TNXB: variants seen among roughly 807,000 people sequenced by gnomAD.
TNXB encodes the protein tenascin XB.
TNXB carries 183 observed loss-of-function variants against 340.5 expected under a neutral mutation model. That is an observed-to-expected ratio of 0.54 (90% CI 0.48 to 0.61). TNXB has a LOEUF of 0.61. TNXB is among the 20% of genes least tolerant of loss of function. The pLI is 0.00. For synonymous variants in TNXB, 2,121 were observed against 2,314.5 expected (o/e 0.92, Z 2.40); for missense variants, 4,613 against 5,446.4 (o/e 0.85, Z 4.82).
At position 32,049,687 on chromosome 6, in the gene TNXB, T is replaced by G. The variant is rs556488711; in HGVS notation, c.9440-100A>C. The G allele has an allele frequency of 6.3e-5, 87 of 1,381,880 alleles. No individual in the cohort carries two copies. The highest frequency in any genetic ancestry group is 7.6e-5 in the Non-Finnish European group (78 of 1,026,778). 85.6% of individuals were successfully genotyped at this position (1,381,880 alleles called of 1,614,324 possible). ...GCTATGACTGGGGGACCTGAGGTCA[T>G]TTCAGAGAAGTCCATTCTTGGGGCT... On this transcript the variant is annotated intron_variant, in intron 27 of 43. Coordinates refer to ENST00000644971, the MANE Select transcript of TNXB (RefSeq NM_001365276.2). This position sits in a 1 kb window ranked among gnomAD's most constrained non-coding sequence, Gnocchi z 4.5.
chr6:32,086,648 C>T (rs1779796393), intron 6 of TNXB, among the ~76,000 whole-genome samples: 1 of 152,196 alleles, frequency 6.6e-6, no homozygotes, highest in South Asian at 2.1e-4. Flanking sequence ...GGTGCCCTTT[C>T]CCCAAGCCCA....
Position 32,062,421 on chromosome 6 carries a change from T to TG in TNXB, c.6903dup (p.Ile2302HisfsTer16). The TG allele has an allele frequency of 6.2e-7, 1 of 1,612,784 alleles. No homozygotes were observed. Among genetic ancestry groups the TG allele is most frequent in the Non-Finnish European group, 8.5e-7 (1 of 1,179,752 alleles). ...GTCAGCTCCTCCAGGCGAGGCTTGATGGGGGGTTCAGGGGTGGGAGGTTCT... is the reference window on the plus strand; with the variant it reads ...GTCAGCTCCTCCAGGCGAGGCTTGATGGGGGGGTTCAGGGGTGGGAGGTTCT... On this transcript the variant is annotated frameshift_variant, in exon 20 of 44. Transcript: ENST00000644971. LOFTEE classifies it high-confidence loss of function. The surrounding 1 kb of genome is among the most constrained non-coding windows in gnomAD (Gnocchi z 4.3).
chr6:32,069,713 C>G lies in TNXB; in HGVS notation c.5427G>C (p.Gln1809His). Reference sequence around the variant, plus strand: ...GGGGCTGCCCGTCCCTGTCTTTGTACTGGACCACAAAGGAGTCAAACTGGC... The same window carrying G: ...GGGGCTGCCCGTCCCTGTCTTTGTAGTGGACCACAAAGGAGTCAAACTGGC... ...PEGQFDSFVV[Q>H]YKDRDGQPQV... is the part of the protein sequence containing the mutation. Residue 1809 changes from glutamine to histidine, a missense_variant, in exon 15 of 44, where the codon CAG becomes CAC. By Grantham distance (24) the Gln-to-His change is conservative. Around this residue, in one of 7 missense-constraint regions of TNXB, gnomAD observed 4,327 missense variants for 4,859.4 expected, o/e 0.89. Transcript: ENST00000644971. This position sits in a 1 kb window ranked among gnomAD's most constrained non-coding sequence, Gnocchi z 6.2. 1 of 1,613,192 alleles carries G rather than the reference C, an allele frequency of 6.2e-7. No individual in the cohort carries two copies. Among genetic ancestry groups the G allele is most frequent in the Non-Finnish European group, 8.5e-7 (1 of 1,179,654 alleles).
At position 32,041,577 on chromosome 6, in the gene TNXB, T is replaced by C. The variant is rs6457476; in HGVS notation, c.12634-127A>G. 10,969 of 1,047,538 alleles carry C rather than the reference T, an allele frequency of 0.01. 167 individuals are homozygous for C. The highest frequency in any genetic ancestry group is 0.03 in the Admixed American group (1,480 of 49,636). 64.9% of individuals were successfully genotyped at this position (1,047,538 alleles called of 1,614,324 possible). On this transcript the variant is annotated intron_variant, in intron 43 of 43. Coordinates refer to ENST00000644971, the MANE Select transcript of TNXB (RefSeq NM_001365276.2). ...CAGAGCTCCCTTCCTGACCCTCCGCTGCAGAGGATTGAGGCTTAATTCTGA... is the reference window on the plus strand; with the variant it reads ...CAGAGCTCCCTTCCTGACCCTCCGCCGCAGAGGATTGAGGCTTAATTCTGA...
At position 32,068,476 on chromosome 6, in the gene TNXB, A is replaced by C; in HGVS notation, c.6134T>G (p.Leu2045Arg). 1 of 1,613,866 alleles carries C rather than the reference A, an allele frequency of 6.2e-7. No homozygotes were observed. The highest frequency in any genetic ancestry group is 8.5e-7 in the Non-Finnish European group (1 of 1,179,894). ...CATCTTGTATTTATGGTCTGGCTCC[A>C]GGCCCGAGATGGTGACCCCTTCCTC... ...GHEEGVTISG[L>R]EPDHKYKMNL... Residue 2045 changes from leucine (L) to arginine (R), a missense_variant, in exon 17 of 44, where the codon CTG becomes CGG. By Grantham distance (102) the Leu-to-Arg change is moderately radical. Transcript: ENST00000644971. This position sits in a 1 kb window ranked among gnomAD's most constrained non-coding sequence, Gnocchi z 5.3.
chr6:32,046,282 C>A lies in TNXB; in HGVS notation c.10499G>T (p.Arg3500Leu). Residue 3500 changes from arginine to leucine, a missense_variant, in exon 31 of 44, where the codon CGC becomes CTC. This residue lies in a region of TNXB where 4,327 missense variants were observed against 4,859.4 expected (regional missense o/e 0.89). Transcript: ENST00000644971. The surrounding 1 kb of genome is among the most constrained non-coding windows in gnomAD (Gnocchi z 6.9). ...PRAVPVAADQ[R>L]TVTVEDLEPG... ...CTCCAGGTCCTCTACGGTGACTGTGCGCTGGTCTGCGGCCACAGGCACTGC... is the reference window on the plus strand; with the variant it reads ...CTCCAGGTCCTCTACGGTGACTGTGAGCTGGTCTGCGGCCACAGGCACTGC... 6.2e-7 allele frequency: 1 copy of A among 1,606,640 alleles called. No homozygotes were observed. The highest frequency in any genetic ancestry group is 1.1e-5 in the South Asian group (1 of 89,696).
chr6:32,050,193 C>G lies in TNXB; in HGVS notation c.9244G>C (p.Val3082Leu). ...AAGTGGTCAAACTGGCCCTCGGGAA[C>G]CATCCAGGACAGGCTGAGGGAGTCG... The part of the protein sequence containing the change: ...TPDSLSLSWM[V>L]PEGQFDHFLV... The change falls in exon 27 of 44, where the codon GTT (valine) becomes CTT (leucine). Residue 3082 changes from valine to leucine, a missense_variant. By Grantham distance (32) the Val-to-Leu change is conservative (BLOSUM62 1). Around this residue, in one of 7 missense-constraint regions of TNXB, gnomAD observed 4,327 missense variants for 4,859.4 expected, o/e 0.89. Coordinates refer to ENST00000644971, the MANE Select transcript of TNXB (RefSeq NM_001365276.2). 6.2e-7 allele frequency: 1 copy of G among 1,613,868 alleles called. No homozygotes were observed. Among genetic ancestry groups the G allele is most frequent in the Non-Finnish European group, 8.5e-7 (1 of 1,179,886 alleles).
chr6:32,082,412 G>T lies in TNXB; in HGVS notation c.3446-86C>A. ...ATCCCACATAGGAATGCTGTGTGAG[G>T]CTGTGCAGGTTGTTCACTGCACAAA... On this transcript the variant is annotated intron_variant, in intron 8 of 43. Transcript: ENST00000644971. The surrounding 1 kb of genome is among the most constrained non-coding windows in gnomAD (Gnocchi z 5.0). 2 of 1,366,324 alleles carry T rather than the reference G, an allele frequency of 1.5e-6. No individual in the cohort carries two copies. Among genetic ancestry groups the T allele is most frequent in the Non-Finnish European group, 2.0e-6 (2 of 1,004,390 alleles). The allele number at this position is 1,366,324 out of a possible 1,614,324, so 84.6% of individuals were successfully genotyped here.
rs1779474586 is a variant in TNXB at position 32,081,905 on chromosome 6, C to T, written c.3736+131G>A. 3.2e-6 allele frequency: 3 copies of T among 936,622 alleles called. No individual in the cohort carries two copies. The highest frequency in any genetic ancestry group is 3.3e-5 in the African/African-American group (2 of 61,144). 58.0% of individuals were successfully genotyped at this position (936,622 alleles called of 1,614,324 possible). A position where few individuals can be genotyped will look rare whatever the true frequency, so the allele number is the denominator to read the frequency against. ...AGTGCGGGGGAGTCTGGCTGCCCCTCAGCCCTGGAGTGGGGCCGGGAAGCT... is the reference window on the plus strand; with the variant it reads ...AGTGCGGGGGAGTCTGGCTGCCCCTTAGCCCTGGAGTGGGGCCGGGAAGCT... On this transcript the variant is annotated intron_variant, in intron 9 of 43. Coordinates refer to ENST00000644971, the MANE Select transcript of TNXB (RefSeq NM_001365276.2). This position sits in a 1 kb window ranked among gnomAD's most constrained non-coding sequence, Gnocchi z 5.1.
In TNXB at chr6:32,046,524, G is replaced by C. The variant is rs886755568; in HGVS notation, c.10325-68C>G. ...TTTGCCTAAGCCCTGGCAGCCTCCC[G>C]GAGGTGTGAGGTTCTGGGAAATGGT... On this transcript the variant is annotated intron_variant, in intron 30 of 43. Coordinates refer to ENST00000644971, the MANE Select transcript of TNXB (RefSeq NM_001365276.2). The surrounding 1 kb of genome is among the most constrained non-coding windows in gnomAD (Gnocchi z 6.9). 7.2e-7 allele frequency: 1 copy of C among 1,388,248 alleles called. No homozygotes were observed. The highest frequency in any genetic ancestry group is 9.6e-7 in the Non-Finnish European group (1 of 1,043,328). The allele number at this position is 1,388,248 out of a possible 1,614,324, so 86.0% of individuals were successfully genotyped here. A position where few individuals can be genotyped will look rare whatever the true frequency, so the allele number is the denominator to read the frequency against.
rs1177712877 is a variant in TNXB, at chr6:32,047,944, C to T, written c.10114G>A (p.Gly3372Ser). The T allele has an allele frequency of 1.4e-5, 23 of 1,612,142 alleles. No homozygotes were observed. The highest frequency in any genetic ancestry group is 1.8e-5 in the Non-Finnish European group (21 of 1,179,528). The change falls in exon 30 of 44, where the codon GGC (glycine) becomes AGC (serine). Residue 3372 changes from glycine to serine, a missense_variant. By Grantham distance (56) the Gly-to-Ser change is moderately conservative. This residue lies in a region of TNXB where 4,327 missense variants were observed against 4,859.4 expected (regional missense o/e 0.89). Coordinates refer to ENST00000644971, the MANE Select transcript of TNXB (RefSeq NM_001365276.2). This position sits in a 1 kb window ranked among gnomAD's most constrained non-coding sequence, Gnocchi z 6.2. ...TVTDATPDSV[G>S]LSWTVPEGEF... Reference sequence around the variant, plus strand: ...CCCTCAGGGACCGTCCACGAGAGGCCCACGGAGTCAGGGGTCGCATCTGTC... The same window carrying T: ...CCCTCAGGGACCGTCCACGAGAGGCTCACGGAGTCAGGGGTCGCATCTGTC...
intron 4 of TNXB, chr6:32,093,191 A>G (rs1215451350): frequency 1.8e-6 from 1 of 559,688 alleles, no homozygotes; most frequent in African/African-American, 1.9e-5. Context: ...CTATGTAAAT[A>G]ATATATACAG....
intron 19 of TNXB, among the ~76,000 whole-genome samples, chr6:32,063,258 C>T (rs1778141304): frequency 2.0e-5 from 3 of 151,784 alleles, no homozygotes; most frequent in Non-Finnish European, 4.4e-5. Context: ...TGTGCTGGTG[C>T]ATGCCTGTAA....
At chr6:32,053,930 C>A (rs1777469388) in intron 24 of TNXB, among the ~76,000 whole-genome samples, 1 of 149,898 alleles carries the variant, frequency 6.7e-6, no homozygotes, top group Non-Finnish European at 1.5e-5. Flanking sequence ...AACACCCAGG[C>A]CACCTCTCCC....
chr6:32,106,165 T>C (rs1357741910), intron 1 of TNXB, among the ~76,000 whole-genome samples: 1 of 151,752 alleles, frequency 6.6e-6, no homozygotes, highest in Non-Finnish European at 1.5e-5. Flanking sequence ...TAAAGGTGTC[T>C]TGTTTCTTGA....
intron 3 of TNXB, among the ~76,000 whole-genome samples, 156 bp from the exon 4 acceptor site, chr6:32,095,347 ATC>A (rs1780270047): frequency 6.6e-6 from 1 of 152,100 alleles, no homozygotes; most frequent in African/African-American, 2.4e-5. Flanking sequence ...CGGGGCTTGG[ATC>A]GCCTTCACCT....
At chr6:32,059,826 C>T (rs540792214) in intron 21 of TNXB, among the ~76,000 whole-genome samples, 6 of 152,018 alleles carry the variant, frequency 3.9e-5, no homozygotes, top group South Asian at 2.1e-4. Flanking sequence ...ACAGAGGTGG[C>T]GACCTGCCCT....
At position 32,069,588 on chromosome 6, in the gene TNXB, T is replaced by C; in HGVS notation, c.5552A>G (p.Lys1851Arg). The C allele has an allele frequency of 1.9e-6, 3 of 1,593,514 alleles. No individual in the cohort carries two copies. The highest frequency in any genetic ancestry group is 2.6e-6 in the Non-Finnish European group (3 of 1,166,856). The change falls in exon 15 of 44, where the codon AAG (lysine) becomes AGG (arginine). Residue 1851 changes from lysine (K) to arginine (R), a missense_variant. Lys to Arg is a conservative substitution (Grantham distance 26). Around this residue, in one of 7 missense-constraint regions of TNXB, gnomAD observed 4,327 missense variants for 4,859.4 expected, o/e 0.89. Coordinates refer to ENST00000644971, the MANE Select transcript of TNXB (RefSeq NM_001365276.2). The surrounding 1 kb of genome is among the most constrained non-coding windows in gnomAD (Gnocchi z 6.2). The stretch of plus-strand genomic sequence containing the variant: ...GACGGCCGAGATGGGGCCCACACGC[T>C]TGCCGTGGTGCAGCCCGTAGAGCAG... ...KLLLYGLHHG[K>R]RVGPISAVAI... is the part of the protein sequence containing the mutation.
chr6:32,100,181 T>G (rs529533026), intron 1 of TNXB, among the ~76,000 whole-genome samples: 53 of 151,962 alleles, frequency 3.5e-4, no homozygotes, highest in African/African-American at 1.2e-3. Flanking sequence ...CTCGGCTCAC[T>G]GCAACCTCCG....
Sources: gnomAD v4.1 joint callset for allele counts (sites outside exome capture counted in the v4.1 genomes callset) on GRCh38, gnomAD v4.1.1 for gene constraint, gnomAD v4.1.1 regional missense constraint, Gnocchi (gnomAD v3.1) non-coding constraint, MANE v1.5 for transcripts, NCBI Gene and HGNC (gene_info 2026-07-23, HGNC 2026-07-21) for gene names.